TLK1: variants seen among roughly 807,000 people sequenced by gnomAD.
TLK1 encodes the protein serine/threonine-protein kinase tousled-like 1.
In TLK1, 24 loss-of-function variants were observed where a neutral mutation model predicts 105.3. The observed-to-expected ratio is 0.23, with a 90% CI of 0.17 to 0.32. The LOEUF is 0.32. Ranked by LOEUF, TLK1 falls within the 10% of genes least tolerant of loss-of-function variation. The pLI, the probability that TLK1 is intolerant of heterozygous loss-of-function variation, is 1.00. For synonymous variants in TLK1, 321 were observed against 310.4 expected (o/e 1.03, Z -0.36); for missense variants, 558 against 910.5 (o/e 0.61, Z 4.98).
At chr2:171,157,422 G>A (rs1692282409) in intron 1 of TLK1, among the ~76,000 whole-genome samples, 2 of 152,284 alleles carry the variant, frequency 1.3e-5, no homozygotes, top group South Asian at 4.1e-4. Context: ...AGGTTTAAAA[G>A]ATTCAACAGA....
intron 12 of TLK1, among the ~76,000 whole-genome samples, chr2:171,028,049 G>C (rs752849767): frequency 6.6e-6 from 1 of 152,298 alleles, no homozygotes. Context: ...TGTAATCCCA[G>C]CTACTCAGGA....
chr2:171,011,765 C>T (rs1162712468), intron 13 of TLK1, among the ~76,000 whole-genome samples: 1 of 152,108 alleles, frequency 6.6e-6, no homozygotes, highest in Non-Finnish European at 1.5e-5. Context: ...CCTTTATGTA[C>T]TCAGCAAGAA....
chr2:171,140,734 C>T (rs564039217), intron 1 of TLK1, among the ~76,000 whole-genome samples: 39 of 152,136 alleles, frequency 2.6e-4, no homozygotes, highest in Non-Finnish European at 1.8e-4. Context: ...CAGTTTTTCA[C>T]ATCAAATGTC....
chr2:171,014,801 CG>C, intron 13 of TLK1, 49 bp downstream of exon 13: 8 of 1,286,108 alleles, frequency 6.2e-6, no homozygotes, highest in South Asian at 2.4e-5. Flanking sequence ...CTATGGGGGG[CG>C]GGGGTAGTTT....
intron 1 of TLK1, among the ~76,000 whole-genome samples, chr2:171,128,752 G>GTA (rs764962453): frequency 6.0e-4 from 91 of 151,314 alleles, no homozygotes; most frequent in African/African-American, 1.1e-3. Flanking sequence ...ACATGTACAT[G>GTA]TATATATATA....
At chr2:171,060,053 A>C in intron 4 of TLK1, 1 of 1,595,746 alleles carries the variant, frequency 6.3e-7, no homozygotes, top group South Asian at 1.1e-5. Flanking sequence ...GGAAGGGGGG[A>C]AAAAACACTG....
At chr2:171,106,022 A>G (rs755759844) in intron 2 of TLK1, among the ~76,000 whole-genome samples, 6 of 152,236 alleles carry the variant, frequency 3.9e-5, no homozygotes, top group Admixed American at 1.3e-4. Context: ...ATACTATTTC[A>G]CCATTAAAAA....
rs756338652 is a variant in TLK1 at position 171,136,286 on chromosome 2, A to C, written c.140-18429T>G. 3.9e-5 allele frequency among the ~76,000 whole-genome samples: 6 copies of C among 152,214 alleles called. No individual in the cohort carries two copies. The East Asian group carries it at 1.2e-3, about 29-fold the overall frequency. On this transcript the variant is annotated intron_variant, in intron 1 of 20. Coordinates refer to ENST00000431350, the MANE Select transcript of TLK1 (RefSeq NM_012290.5). ...GAGTAGTGAAACTTACAGAGACAGA[A>C]AGTAGAATAGTGGTTGCTGGGGCCT...
intron 11 of TLK1, among the ~76,000 whole-genome samples, chr2:171,040,598 G>T (rs1380032743): frequency 4.0e-5 from 5 of 124,034 alleles, no homozygotes; most frequent in Non-Finnish European, 6.4e-5. Context: ...TTGAGACAGG[G>T]TCTTCCTCTG....
At chr2:171,014,752 C>A in intron 13 of TLK1, 99 bp downstream of exon 13, 4 of 933,242 alleles carry the variant, frequency 4.3e-6, no homozygotes, top group Non-Finnish European at 6.6e-6. Flanking sequence ...TTTCTAAGTA[C>A]GATGAGACAA....
At chr2:170,996,157 C>A (rs1458069334) in intron 20 of TLK1, among the ~76,000 whole-genome samples, 5 of 151,642 alleles carry the variant, frequency 3.3e-5, no homozygotes, top group African/African-American at 1.2e-4. Context: ...TGCCACCACG[C>A]CTGGCTAATT....
intron 2 of TLK1, among the ~76,000 whole-genome samples, chr2:171,115,533 T>C (rs181384008): frequency 2.6e-5 from 4 of 152,262 alleles, no homozygotes; most frequent in East Asian, 1.9e-4. Flanking sequence ...TAGCTTTCAC[T>C]GACTCCACCT....
At chr2:171,210,183 C>T (rs763461096) in intron 1 of TLK1, among the ~76,000 whole-genome samples, 3 of 152,104 alleles carry the variant, frequency 2.0e-5, no homozygotes, top group African/African-American at 7.2e-5. Flanking sequence ...TAGAGCTGAA[C>T]TGGAATGTGG....
chr2:171,081,674 C>T, intron 3 of TLK1: 1 of 1,304,312 alleles, frequency 7.7e-7, no homozygotes, highest in Non-Finnish European at 1.0e-6. Context: ...AGTCCCGTCA[C>T]TTGCACAGTC....
At chr2:171,158,598 A>C (rs1180600865) in intron 1 of TLK1, among the ~76,000 whole-genome samples, 1 of 151,750 alleles carries the variant, frequency 6.6e-6, no homozygotes, top group African/African-American at 2.4e-5. Context: ...CGAGAAACGA[A>C]TGAATGAATG....
At chr2:171,044,331 T>A (rs886738048) in intron 11 of TLK1, among the ~76,000 whole-genome samples, 2 of 152,168 alleles carry the variant, frequency 1.3e-5, no homozygotes, top group Non-Finnish European at 2.9e-5. Flanking sequence ...AATTCTTACA[T>A]GTGAGAGGAT....
chr2:171,118,547 C>T (rs890145289), intron 1 of TLK1, among the ~76,000 whole-genome samples: 15 of 152,098 alleles, frequency 9.9e-5, no homozygotes, highest in Admixed American at 7.9e-4. Flanking sequence ...GTAACACTTA[C>T]TAGTATTAAA....
At chr2:171,136,645 G>GA (rs555077827) in intron 1 of TLK1, among the ~76,000 whole-genome samples, 170 of 151,898 alleles carry the variant, frequency 1.1e-3, no homozygotes, top group African/African-American at 2.1e-3. Context: ...TTACAATTTT[G>GA]AAAAAAAATG....
intron 11 of TLK1, among the ~76,000 whole-genome samples, chr2:171,029,585 T>C (rs886257124): frequency 6.6e-6 from 1 of 152,246 alleles, no homozygotes; most frequent in African/African-American, 2.4e-5. Flanking sequence ...TGCCTCAGTG[T>C]TCCAAGTAGC....
Sources: gnomAD v4.1 joint callset for allele counts (sites outside exome capture counted in the v4.1 genomes callset) on GRCh38, gnomAD v4.1.1 for gene constraint, MANE v1.5 for transcripts, NCBI Gene and HGNC (gene_info 2026-07-23, HGNC 2026-07-21) for gene names.